Variants in TMEM132D observed in about 807,000 individuals in gnomAD.
The protein encoded by TMEM132D is mature OL transmembrane protein.
TMEM132D carries 21 observed loss-of-function variants against 62.3 expected under a neutral mutation model. That is an observed-to-expected ratio of 0.34 (90% CI 0.24 to 0.49). The LOEUF (loss-of-function observed/expected upper bound fraction) is 0.49. Ranked by LOEUF, TMEM132D falls within the 20% of genes least tolerant of loss-of-function variation. TMEM132D has a pLI of 0.99. For synonymous variants in TMEM132D, 621 were observed against 575.6 expected, an observed-to-expected ratio of 1.08 and a Z score of -1.13; for missense variants, 1,346 against 1,402.8, an observed-to-expected ratio of 0.96 and a Z score of 0.65.
At chr12:129,652,411 T>C (rs1172700405) in intron 2 of TMEM132D, among the ~76,000 whole-genome samples, 1 of 152,194 alleles carries the variant, frequency 6.6e-6, no homozygotes, top group African/African-American at 2.4e-5. Context: ...TTATGTTACC[T>C]GGCAAAAGAG....
intron 4 of TMEM132D, among the ~76,000 whole-genome samples, chr12:129,239,845 A>G (rs964213094): frequency 6.6e-6 from 1 of 152,194 alleles, no homozygotes; most frequent in African/African-American, 2.4e-5. Context: ...CAATGCTTCA[A>G]GTGATTCAAG....
chr12:129,433,446 C>T (rs868602315), intron 3 of TMEM132D, among the ~76,000 whole-genome samples: 1 of 152,038 alleles, frequency 6.6e-6, no homozygotes, highest in South Asian at 2.1e-4. Flanking sequence ...TGTTTATTTC[C>T]CCTCATTGCT....
At chr12:129,835,690 G>A (rs545634452) in intron 1 of TMEM132D, among the ~76,000 whole-genome samples, 1 of 152,216 alleles carries the variant, frequency 6.6e-6, no homozygotes, top group Non-Finnish European at 1.5e-5. Context: ...GTATAGTATA[G>A]TTGTGTGATT....
At chr12:129,617,694 T>G (rs1377141711) in intron 2 of TMEM132D, among the ~76,000 whole-genome samples, 1 of 152,136 alleles carries the variant, frequency 6.6e-6, no homozygotes, top group Non-Finnish European at 1.5e-5. Flanking sequence ...CCAGAGGACC[T>G]GCTTCCTGGT....
At chr12:129,273,483 A>T (rs929310047) in intron 4 of TMEM132D, among the ~76,000 whole-genome samples, 8 of 151,028 alleles carry the variant, frequency 5.3e-5, no homozygotes, top group Non-Finnish European at 1.2e-4. Context: ...TCACTGCAGC[A>T]CTACTCACAA....
rs112725793 is a variant in TMEM132D, at chr12:129,747,932, C to T, written c.80-47234G>A. On this transcript the variant is annotated intron_variant, in intron 1 of 8. Transcript: ENST00000422113. ...CTCCCTGCTTTGTTCTTCTTTCTAG[C>T]ACTCATCACCGCGGACAGGCGACGC... is the stretch of plus-strand genomic sequence containing the variant. 2.5e-3 allele frequency among the ~76,000 whole-genome samples: 381 copies of T among 152,324 alleles called. 4 individuals are homozygous for T. The highest frequency in any genetic ancestry group is 8.4e-3 in the African/African-American group (351 of 41,564).
chr12:129,664,041 G>A lies in TMEM132D; in HGVS notation c.968+35769C>T, dbSNP rs186658779. 1.5e-3 allele frequency among the ~76,000 whole-genome samples: 223 copies of A among 152,242 alleles called. 2 individuals are homozygous for A. In the South Asian group the frequency reaches 0.041, roughly 28 times the overall value. The stretch of plus-strand genomic sequence containing the variant: ...AACGTTTACACATCTCCTGCATGGC[G>A]TTTTTGGTGAAGGAAATTATCATTG... On this transcript the variant is annotated intron_variant, in intron 2 of 8. Coordinates refer to ENST00000422113, the MANE Select transcript of TMEM132D (RefSeq NM_133448.3).
chr12:129,340,260 G>T (rs1302105518), intron 3 of TMEM132D, among the ~76,000 whole-genome samples: 2 of 151,874 alleles, frequency 1.3e-5, no homozygotes, highest in South Asian at 2.1e-4. Flanking sequence ...TCAGCCAACT[G>T]CCCTCTCTAT....
intron 2 of TMEM132D, among the ~76,000 whole-genome samples, chr12:129,646,756 T>C (rs1301712039): frequency 2.6e-5 from 4 of 151,890 alleles, no homozygotes; most frequent in African/African-American, 7.3e-5. Context: ...TATATAAACA[T>C]GCATTCACGC....
At chr12:129,256,334 G>C (rs1880398143) in intron 4 of TMEM132D, among the ~76,000 whole-genome samples, 1 of 152,218 alleles carries the variant, frequency 6.6e-6, no homozygotes, top group Non-Finnish European at 1.5e-5. Context: ...ATGACATGGT[G>C]GGCACTTGAG....
chr12:129,254,282 C>T (rs1214431314), intron 4 of TMEM132D, among the ~76,000 whole-genome samples: 1 of 152,246 alleles, frequency 6.6e-6, no homozygotes, highest in Non-Finnish European at 1.5e-5. Flanking sequence ...CTGATTTGAT[C>T]ATTACACATT....
At chr12:129,198,189 A>G (rs956033469) in intron 5 of TMEM132D, among the ~76,000 whole-genome samples, 1 of 152,224 alleles carries the variant, frequency 6.6e-6, no homozygotes, top group Non-Finnish European at 1.5e-5. Flanking sequence ...AAGTGTAGGC[A>G]AGGATGTAAC....
At chr12:129,329,904 TAAG>T (rs1433162684) in intron 4 of TMEM132D, among the ~76,000 whole-genome samples, 2 of 152,202 alleles carry the variant, frequency 1.3e-5, no homozygotes, top group African/African-American at 2.4e-5. Context: ...TCATTTTATT[TAAG>T]AAGAGAAATG....
At chr12:129,251,709 A>G (rs1166872611) in intron 4 of TMEM132D, among the ~76,000 whole-genome samples, 1 of 152,218 alleles carries the variant, frequency 6.6e-6, no homozygotes, top group East Asian at 1.9e-4. Context: ...AACATTTCCC[A>G]GCTTCCTTTG....
At chr12:129,164,822 A>ATT (rs1332659434) in intron 5 of TMEM132D, among the ~76,000 whole-genome samples, 5 of 152,158 alleles carry the variant, frequency 3.3e-5, no homozygotes, top group African/African-American at 1.2e-4. Flanking sequence ...GATTTTTGGG[A>ATT]TTACAAGATG....
At chr12:129,711,154 A>G (rs565976546) in intron 1 of TMEM132D, among the ~76,000 whole-genome samples, 1 of 152,292 alleles carries the variant, frequency 6.6e-6, no homozygotes, top group African/African-American at 2.4e-5. Context: ...TTGGCCCCCT[A>G]AATACACTTG....
chr12:129,448,240 A>C (rs1329668272), intron 3 of TMEM132D, among the ~76,000 whole-genome samples: 2 of 152,056 alleles, frequency 1.3e-5, no homozygotes, highest in African/African-American at 4.8e-5. Flanking sequence ...CTCTTTTCTA[A>C]GTTATGGGGT....
At chr12:129,721,387 G>T (rs1295460804) in intron 1 of TMEM132D, among the ~76,000 whole-genome samples, 9 of 152,124 alleles carry the variant, frequency 5.9e-5, no homozygotes, top group African/African-American at 2.2e-4. Context: ...ATGCCTTAAC[G>T]GGGTCTTTCT....
rs761892015 is a variant in TMEM132D, at chr12:129,524,920, C to CTTTTT, written c.1115+6134_1115+6138dup. On this transcript the variant is annotated intron_variant, in intron 3 of 8. Transcript: ENST00000422113. ...CATTTTATTATTTTCATATTTTTTT[C>CTTTTT]TTTTTTCTTTTTTTTTTTTTTTTTG... is the stretch of plus-strand genomic sequence containing the variant. 1.1e-3 allele frequency among the ~76,000 whole-genome samples: 99 copies of CTTTTT among 92,138 alleles called. 11 individuals carry two copies. Among genetic ancestry groups the CTTTTT allele is most frequent in the African/African-American group, 2.6e-3 (59 of 22,474 alleles). The allele number at this position is 92,138 out of a possible 152,430, so 60.4% of individuals were successfully genotyped here.
Sources: allele counts gnomAD v4.1 joint callset (sites outside exome capture counted in the v4.1 genomes callset), GRCh38; gene constraint gnomAD v4.1.1; transcripts MANE v1.5; gene names NCBI Gene and HGNC (gene_info 2026-07-23, HGNC 2026-07-21).